The following THAP4 variants were observed in gnomAD, a reference collection of about 807,000 sequenced individuals.
The protein encoded by THAP4 is THAP domain containing 4.
In THAP4, 18 loss-of-function variants were observed where a neutral mutation model predicts 48.1. The ratio of observed to expected loss-of-function variants is 0.37; its 90% CI spans 0.26 to 0.56. The LOEUF (loss-of-function observed/expected upper bound fraction) is 0.56. THAP4 is among the 20% of genes least tolerant of loss of function. The pLI, the probability that THAP4 is intolerant of heterozygous loss-of-function variation, is 0.78. For synonymous variants in THAP4, 345 were observed against 324.9 expected, an observed-to-expected ratio of 1.06 and a Z score of -0.66; for missense variants, 656 against 774.9, an observed-to-expected ratio of 0.85 and a Z score of 1.82.
intron 5 of THAP4, among the ~76,000 whole-genome samples, chr2:241,588,639 T>C (rs987252463): frequency 4.6e-5 from 7 of 152,208 alleles, no homozygotes; most frequent in African/African-American, 1.7e-4. Context: ...ACAAAGTGAG[T>C]TGATTTTCGA....
At position 241,589,991 on chromosome 2, in the gene THAP4, C is replaced by T. The variant is rs199895651; in HGVS notation, c.1615-5266G>A. Among the ~76,000 whole-genome samples, 201 of 96,718 alleles carry T rather than the reference C, an allele frequency of 2.1e-3. No individual in the cohort carries two copies. In the Middle Eastern group the frequency reaches 0.033, roughly 16 times the overall value. 63.5% of individuals were successfully genotyped at this position (96,718 alleles called of 152,430 possible). On this transcript the variant is annotated intron_variant, in intron 5 of 5. Coordinates refer to ENST00000407315, the MANE Select transcript of THAP4 (RefSeq NM_015963.6). The stretch of plus-strand genomic sequence containing the variant: ...AGGACACTCAGAGCTGCTCGGCTGA[C>T]GATGATGGGCACTAGGACACTCAGA...
At chr2:241,632,697 C>G (rs1370408939) in intron 2 of THAP4, among the ~76,000 whole-genome samples, 1 of 152,202 alleles carries the variant, frequency 6.6e-6, no homozygotes, top group African/African-American at 2.4e-5. Flanking sequence ...GGCCTACATC[C>G]CTACACACAC....
At chr2:241,591,124 GGGC>G (rs1336526462) in intron 5 of THAP4, among the ~76,000 whole-genome samples, 9 of 102,994 alleles carry the variant, frequency 8.7e-5, no homozygotes, top group African/African-American at 3.4e-4. Context: ...TGACGATGAT[GGGC>G]ACTAGGACAC....
chr2:241,592,910 A>G (rs886721979), intron 5 of THAP4, among the ~76,000 whole-genome samples: 1 of 152,162 alleles, frequency 6.6e-6, no homozygotes, highest in African/African-American at 2.4e-5. Flanking sequence ...GCTACCTCAC[A>G]CTACAGAGAA....
chr2:241,634,842 C>T (rs1045098511), intron 1 of THAP4, among the ~76,000 whole-genome samples: 11 of 152,172 alleles, frequency 7.2e-5, no homozygotes, highest in African/African-American at 2.7e-4. Flanking sequence ...AAAAAATCAA[C>T]CAACTCAGAT....
chr2:241,614,038 C>T (rs2067309494), intron 2 of THAP4, among the ~76,000 whole-genome samples: 1 of 151,924 alleles, frequency 6.6e-6, no homozygotes. Flanking sequence ...TCTGTAGCCC[C>T]CGCTACTTGG....
intron 5 of THAP4, among the ~76,000 whole-genome samples, chr2:241,587,241 C>G (rs1487301255): frequency 6.6e-6 from 1 of 152,070 alleles, no homozygotes; most frequent in Non-Finnish European, 1.5e-5. Context: ...GGCTGGGGGC[C>G]CAGATAAAAT....
At chr2:241,636,513 C>T (rs551682571) in intron 1 of THAP4, among the ~76,000 whole-genome samples, 32 of 152,348 alleles carry the variant, frequency 2.1e-4, no homozygotes, top group African/African-American at 7.2e-4. Flanking sequence ...GGGGCCCAGT[C>T]CCGGAAAGCC....
intron 5 of THAP4, among the ~76,000 whole-genome samples, chr2:241,585,329 G>C (rs1485264920): frequency 6.6e-6 from 1 of 151,426 alleles, no homozygotes; most frequent in Non-Finnish European, 1.5e-5. Flanking sequence ...AATTGTGAGA[G>C]TGACCACTGT....
chr2:241,636,457 C>A (rs1299292154), intron 1 of THAP4, among the ~76,000 whole-genome samples: 1 of 152,176 alleles, frequency 6.6e-6, no homozygotes, highest in Non-Finnish European at 1.5e-5. Flanking sequence ...CCGTCCCCAG[C>A]CGGCCGTCCC....
chr2:241,603,875 T>C (rs985679008), intron 3 of THAP4, among the ~76,000 whole-genome samples: 10 of 152,194 alleles, frequency 6.6e-5, no homozygotes, highest in African/African-American at 2.4e-4. Context: ...ACTAACTCGC[T>C]GGCATGGTGA....
At chr2:241,608,650 G>C (rs561605427) in intron 2 of THAP4, among the ~76,000 whole-genome samples, 44 of 152,318 alleles carry the variant, frequency 2.9e-4, no homozygotes, top group African/African-American at 7.7e-4. Context: ...CAACGTGCTG[G>C]ACACTCTTCC....
intron 2 of THAP4, among the ~76,000 whole-genome samples, chr2:241,628,644 C>A (rs2067521696): frequency 6.6e-6 from 1 of 151,616 alleles, no homozygotes; most frequent in Non-Finnish European, 1.5e-5. Context: ...CAGCGCCCCC[C>A]TCAAAACTGT....
upstream of THAP4, chr2:241,637,517 C>T (rs1270959238): frequency 9.7e-6 from 14 of 1,437,798 alleles, no homozygotes; most frequent in Non-Finnish European, 1.3e-5. Context: ...CCATGCCGCC[C>T]GCAGGGCGCC....
intron 5 of THAP4, among the ~76,000 whole-genome samples, chr2:241,593,388 C>A (rs902366348): frequency 6.6e-6 from 1 of 152,242 alleles, no homozygotes. Context: ...CCTGCAACAG[C>A]CCCCGACTGG....
intron 5 of THAP4, among the ~76,000 whole-genome samples, chr2:241,586,759 G>T (rs539519592): frequency 6.6e-6 from 1 of 152,130 alleles, no homozygotes; most frequent in East Asian, 1.9e-4. Flanking sequence ...GATGAAGAAA[G>T]GATTAGTAAA....
At chr2:241,636,756 G>C (rs1338833161) in intron 1 of THAP4, among the ~76,000 whole-genome samples, 185 bp downstream of exon 1, 2 of 150,618 alleles carry the variant, frequency 1.3e-5, no homozygotes, top group African/African-American at 4.8e-5. Flanking sequence ...CGGCTGCGCT[G>C]CCCGAGGCGC....
chr2:241,601,697 G>T lies in THAP4; in HGVS notation c.1614+199C>A. 3 of 967,888 alleles carry T rather than the reference G, an allele frequency of 3.1e-6. No homozygotes were observed. Among genetic ancestry groups the T allele is most frequent in the South Asian group, 1.8e-5 (1 of 54,702 alleles). 60.0% of individuals were successfully genotyped at this position (967,888 alleles called of 1,614,324 possible). The stretch of plus-strand genomic sequence containing the variant: ...CAAACCTCAAAAAAACCACACCACT[G>T]ACCAGCCGAGGAGGGGGCAATGAAT... On this transcript the variant is annotated intron_variant, in intron 5 of 5. Transcript: ENST00000407315. The surrounding 1 kb of genome is among the most constrained non-coding windows in gnomAD (Gnocchi z 4.0).
chr2:241,609,389 C>T (rs777409257), intron 2 of THAP4, among the ~76,000 whole-genome samples: 2 of 152,218 alleles, frequency 1.3e-5, no homozygotes, highest in Non-Finnish European at 2.9e-5. Flanking sequence ...TAGCCCAAGT[C>T]CTAAGATGGG....
Sources: gnomAD v4.1 joint callset for allele counts (sites outside exome capture counted in the v4.1 genomes callset) on GRCh38, gnomAD v4.1.1 for gene constraint, Gnocchi (gnomAD v3.1) non-coding constraint, MANE v1.5 for transcripts, NCBI Gene and HGNC (gene_info 2026-07-23, HGNC 2026-07-21) for gene names.